Variants in GPR137B observed in about 807,000 individuals in gnomAD.
GPR137B encodes integral membrane protein GPR137B.
A neutral mutation model predicts 42.5 loss-of-function variants in GPR137B; 42 were observed. That is an observed-to-expected ratio of 0.99 (90% CI 0.77 to 1.28). GPR137B has a LOEUF of 1.28. Ranked by LOEUF, GPR137B falls within the 50% of genes most tolerant of loss-of-function variation. The pLI is 0.00. For missense variants in GPR137B, 487 were observed against 493.9 expected, an observed-to-expected ratio of 0.99 and a Z score of 0.13; for synonymous variants, 218 against 209.7, an observed-to-expected ratio of 1.04 and a Z score of -0.34.
chr1:236,208,904 C>T lies in GPR137B; in HGVS notation c.*746C>T. 2 of 983,982 alleles carry T rather than the reference C, an allele frequency of 2.0e-6. No individual in the cohort carries two copies. The highest frequency in any genetic ancestry group is 2.4e-6 in the Non-Finnish European group (2 of 828,672). The allele number at this position is 983,982 out of a possible 1,614,324, so 61.0% of individuals were successfully genotyped here. A position where few individuals can be genotyped will look rare whatever the true frequency, so the allele number is the denominator to read the frequency against. On this transcript the variant is annotated 3_prime_UTR_variant, in exon 7 of 7. Transcript: ENST00000366592. ...CCTATTAAACCTCCTCTGCTATGTT[C>T]ACAGATTCTGCATAGTTTTTTTTCA...
At chr1:236,153,569 G>T (rs1185842722) in intron 1 of GPR137B, among the ~76,000 whole-genome samples, 1 of 152,194 alleles carries the variant, frequency 6.6e-6, no homozygotes, top group Non-Finnish European at 1.5e-5. Flanking sequence ...TTGAGTGCTT[G>T]TTGTGTGCCA....
intron 1 of GPR137B, among the ~76,000 whole-genome samples, chr1:236,157,417 G>T (rs988868625): frequency 1.3e-5 from 2 of 152,090 alleles, no homozygotes; most frequent in Non-Finnish European, 2.9e-5. Context: ...TAGAGACAGG[G>T]TTTCACCGTG....
chr1:236,150,674 T>C lies in GPR137B; in HGVS notation c.414+7638T>C, dbSNP rs1661832270. Among the ~76,000 whole-genome samples, 1 of 152,206 alleles carries C rather than the reference T, an allele frequency of 6.6e-6. No individual in the cohort carries two copies. Among genetic ancestry groups the C allele is most frequent in the South Asian group, 2.1e-4 (1 of 4,834 alleles). ...GGCTGAGGCTGCTGCCGGGTCACCATCAGGAGCGCCCTACTGTCGGCTCCG... is the reference window on the plus strand; with the variant it reads ...GGCTGAGGCTGCTGCCGGGTCACCACCAGGAGCGCCCTACTGTCGGCTCCG... On this transcript the variant is annotated intron_variant, in intron 1 of 6. Transcript: ENST00000366592. This position sits in a 1 kb window ranked among gnomAD's most constrained non-coding sequence, Gnocchi z 6.2.
At chr1:236,176,843 G>A (rs1350787578) in intron 2 of GPR137B, among the ~76,000 whole-genome samples, 1 of 152,082 alleles carries the variant, frequency 6.6e-6, no homozygotes, top group Admixed American at 6.6e-5. Context: ...TTTTCCACGG[G>A]ACTTTCTGTC....
At chr1:236,197,923 G>A (rs1254429290) in intron 5 of GPR137B, among the ~76,000 whole-genome samples, 2 of 152,146 alleles carry the variant, frequency 1.3e-5, no homozygotes, top group East Asian at 3.9e-4. Flanking sequence ...GTTTCACTAT[G>A]TTGACCAGGC....
chr1:236,161,513 C>T (rs1218077672), intron 1 of GPR137B, among the ~76,000 whole-genome samples: 1 of 152,046 alleles, frequency 6.6e-6, no homozygotes, highest in Non-Finnish European at 1.5e-5. Context: ...CCCACTCACA[C>T]CTTCTCACGC....
At chr1:236,180,353 A>G (rs1662834360) in intron 4 of GPR137B, among the ~76,000 whole-genome samples, 1 of 150,724 alleles carries the variant, frequency 6.6e-6, no homozygotes, top group Non-Finnish European at 1.5e-5. Context: ...CAGATGTGGA[A>G]CCCGCTGATA....
At position 236,186,280 on chromosome 1, in the gene GPR137B, A is replaced by AT. The variant is rs1274616319; in HGVS notation, c.966+2374_966+2375insT. On this transcript the variant is annotated intron_variant, in intron 5 of 6. Coordinates refer to ENST00000366592, the MANE Select transcript of GPR137B (RefSeq NM_003272.4). ...ATATATATTATATATTATATATAAT[A>AT]ATATAAATAATATATAATATATATT... Among the ~76,000 whole-genome samples, 90 of 85,416 alleles carry AT rather than the reference A, an allele frequency of 1.1e-3. 1 individual carries two copies. The highest frequency in any genetic ancestry group is 1.3e-3 in the Non-Finnish European group (62 of 46,364). 56.0% of individuals were successfully genotyped at this position (85,416 alleles called of 152,430 possible).
chr1:236,174,669 A>T (rs189387722), intron 2 of GPR137B, among the ~76,000 whole-genome samples: 1 of 152,270 alleles, frequency 6.6e-6, no homozygotes, highest in Admixed American at 6.5e-5. Flanking sequence ...AAATAGGAAC[A>T]CTTAGAGGCG....
intron 5 of GPR137B, among the ~76,000 whole-genome samples, chr1:236,196,013 C>T (rs1378531488): frequency 6.8e-6 from 1 of 146,614 alleles, no homozygotes; most frequent in Admixed American, 6.8e-5. Flanking sequence ...AATATTTTCT[C>T]CCATTCTGTG....
At chr1:236,207,950 A>G (rs1663709810) in intron 6 of GPR137B, 100 bp from the exon 7 acceptor site, 4 of 786,090 alleles carry the variant, frequency 5.1e-6, no homozygotes, top group Non-Finnish European at 6.2e-6. Flanking sequence ...AGAGTTATCT[A>G]TAGTTTACAC....
chr1:236,205,634 A>C (rs1333161780), intron 6 of GPR137B, among the ~76,000 whole-genome samples: 4 of 152,186 alleles, frequency 2.6e-5, no homozygotes, highest in Non-Finnish European at 4.4e-5. Flanking sequence ...TCCCGCTCCC[A>C]GGTTCAAGTA....
rs978090940 is a variant in GPR137B, at chr1:236,155,020, G to C, written c.414+11984G>C. On this transcript the variant is annotated intron_variant, in intron 1 of 6. Transcript: ENST00000366592. This position sits in a 1 kb window ranked among gnomAD's most constrained non-coding sequence, Gnocchi z 4.6. ...TTAAGAAACATAACAGTGATGGTAG[G>C]GCCTTGTGTGGCCACAGCCCTTGTC... is the stretch of plus-strand genomic sequence containing the variant. Among the ~76,000 whole-genome samples the C allele has an allele frequency of 6.6e-6, 1 of 152,232 alleles. No homozygotes were observed. Among genetic ancestry groups the C allele is most frequent in the Non-Finnish European group, 1.5e-5 (1 of 68,042 alleles).
At position 236,150,171 on chromosome 1, in the gene GPR137B, CCGTTTG is replaced by C. The variant is rs974630136; in HGVS notation, c.414+7136_414+7141del. Among the ~76,000 whole-genome samples, 2 of 140,126 alleles carry C rather than the reference CCGTTTG, an allele frequency of 1.4e-5. No homozygotes were observed. Among genetic ancestry groups the C allele is most frequent in the African/African-American group, 5.4e-5 (2 of 36,842 alleles). 91.9% of individuals were successfully genotyped at this position (140,126 alleles called of 152,430 possible). A position where few individuals can be genotyped will look rare whatever the true frequency, so the allele number is the denominator to read the frequency against. ...TGTTTGTGTCTGTGCATGTGTGTGC[CCGTTTG>C]TGTTTGTGTGTGTCTGTGTGCCTGT... On this transcript the variant is annotated intron_variant, in intron 1 of 6. Coordinates refer to ENST00000366592, the MANE Select transcript of GPR137B (RefSeq NM_003272.4). The surrounding 1 kb of genome is among the most constrained non-coding windows in gnomAD (Gnocchi z 6.2).
In GPR137B at chr1:236,183,804, T is replaced by A. The variant is rs1411856617; in HGVS notation, c.864T>A (p.Asp288Glu). ...DQADLKNQLG[D>E]AGYVLFGVVL... The stretch of plus-strand genomic sequence containing the variant: ...CAGATTTGAAGAATCAGCTGGGAGA[T>A]GCTGGATACGTATTATTTGGAGTGG... The change falls in exon 5 of 7, where the codon GAT becomes GAA. Residue 288 changes from aspartate to glutamate, a missense_variant. Transcript: ENST00000366592. 4 of 1,607,036 alleles carry A rather than the reference T, an allele frequency of 2.5e-6. No homozygotes were observed. The highest frequency in any genetic ancestry group is 1.3e-5 in the African/African-American group (1 of 74,774).
intron 2 of GPR137B, among the ~76,000 whole-genome samples, chr1:236,169,551 C>T (rs573101009): frequency 6.6e-6 from 1 of 152,308 alleles, no homozygotes; most frequent in African/African-American, 2.4e-5. Context: ...GGATGTGCAA[C>T]ATGCCAAAAA....
chr1:236,207,282 T>C (rs1179216967), intron 6 of GPR137B: 1 of 985,214 alleles, frequency 1.0e-6, no homozygotes. Context: ...GTAAAGAACG[T>C]AAGCTGGAAG....
intron 2 of GPR137B, 91 bp downstream of exon 2, chr1:236,168,846 T>C: frequency 1.0e-6 from 1 of 971,126 alleles, no homozygotes; most frequent in Non-Finnish European, 1.7e-6. Flanking sequence ...CACACATCGC[T>C]GTTCTGTGAG....
At chr1:236,166,562 C>T (rs1347863079) in intron 1 of GPR137B, among the ~76,000 whole-genome samples, 1 of 136,924 alleles carries the variant, frequency 7.3e-6, no homozygotes, top group Non-Finnish European at 1.5e-5. Context: ...TGCCTCCTAC[C>T]TACTTGCAAA....
Sources: gnomAD v4.1 joint callset for allele counts (sites outside exome capture counted in the v4.1 genomes callset) on GRCh38, gnomAD v4.1.1 for gene constraint, Gnocchi (gnomAD v3.1) non-coding constraint, MANE v1.5 for transcripts, NCBI Gene and HGNC (gene_info 2026-07-23, HGNC 2026-07-21) for gene names.